The following CPNE4 variants were observed in gnomAD, a reference collection of about 807,000 sequenced individuals.
CPNE4 encodes the protein copine-4.
Under a neutral mutation model 67.9 loss-of-function variants are expected in CPNE4, and 25 were observed. The observed-to-expected ratio is 0.37, with a 90% CI of 0.27 to 0.51. CPNE4 has a LOEUF of 0.51. Ranked by LOEUF, CPNE4 falls within the 20% of genes least tolerant of loss-of-function variation. The pLI, the probability that CPNE4 is intolerant of heterozygous loss-of-function variation, is 0.93. For missense variants in CPNE4, 464 were observed against 690.8 expected, an observed-to-expected ratio of 0.67 and a Z score of 3.68; for synonymous variants, 242 against 244.9, an observed-to-expected ratio of 0.99 and a Z score of 0.11.
intron 8 of CPNE4, among the ~76,000 whole-genome samples, chr3:131,586,718 C>A (rs1162693723): frequency 7.0e-6 from 1 of 142,802 alleles, no homozygotes; most frequent in Non-Finnish European, 1.5e-5. Flanking sequence ...AGATGACTTT[C>A]TATCTCTATC....
chr3:131,945,532 C>T (rs140507030), intron 1 of CPNE4, among the ~76,000 whole-genome samples: 5 of 152,126 alleles, frequency 3.3e-5, no homozygotes, highest in Non-Finnish European at 7.4e-5. Context: ...TCTTTGTTCT[C>T]GAGCTCCCCA....
rs201669940 is a variant in CPNE4, at chr3:131,978,048, GATATATATAAATATATATAA to G, written c.-2+56499_-2+56518del. 1.5e-3 allele frequency among the ~76,000 whole-genome samples: 117 copies of G among 76,586 alleles called. 2 individuals carry two copies. Among genetic ancestry groups the G allele is most frequent in the East Asian group, 3.4e-3 (9 of 2,678 alleles). 50.2% of individuals were successfully genotyped at this position (76,586 alleles called of 152,430 possible). ...TATGGCTGCATAGTATTCCATCATA[GATATATATAAATATATATAA>G]ATATATATAAATATATATAAATATA... is the stretch of plus-strand genomic sequence containing the variant. On this transcript the variant is annotated intron_variant, in intron 1 of 15. Coordinates refer to ENST00000429747, the MANE Select transcript of CPNE4 (RefSeq NM_130808.3).
intron 1 of CPNE4, among the ~76,000 whole-genome samples, chr3:131,923,926 C>CA (rs2070818972): frequency 6.6e-6 from 1 of 151,834 alleles, no homozygotes; most frequent in South Asian, 2.1e-4. Flanking sequence ...CTAAAGGGAC[C>CA]AAGGGGCCAG....
At chr3:131,780,550 G>A (rs536967781) in intron 2 of CPNE4, among the ~76,000 whole-genome samples, 29 of 152,144 alleles carry the variant, frequency 1.9e-4, no homozygotes, top group African/African-American at 6.5e-4. Flanking sequence ...GCTGGAGGCC[G>A]TTATCCGAAG....
At chr3:131,873,969 A>G (rs892428025) in intron 2 of CPNE4, among the ~76,000 whole-genome samples, 2 of 152,102 alleles carry the variant, frequency 1.3e-5, no homozygotes, top group Non-Finnish European at 2.9e-5. Flanking sequence ...CTATGATTCA[A>G]CCTCCACAGT....
At chr3:132,029,581 C>T (rs1365486244) in intron 1 of CPNE4, among the ~76,000 whole-genome samples, 1 of 152,160 alleles carries the variant, frequency 6.6e-6, no homozygotes, top group African/African-American at 2.4e-5. Flanking sequence ...TGATTTTGCT[C>T]CTCCCCTACC....
intron 1 of CPNE4, among the ~76,000 whole-genome samples, chr3:132,008,432 T>C (rs1165082711): frequency 6.6e-6 from 1 of 152,214 alleles, no homozygotes; most frequent in Non-Finnish European, 1.5e-5. Context: ...AATGCCATAA[T>C]ATAGCTATTA....
chr3:131,600,388 C>T (rs1221552872), intron 7 of CPNE4, among the ~76,000 whole-genome samples: 1 of 152,066 alleles, frequency 6.6e-6, no homozygotes, highest in African/African-American at 2.4e-5. Context: ...TGAATGTGTC[C>T]AAAGACCTGT....
chr3:131,912,639 G>T (rs2089022407), intron 1 of CPNE4, among the ~76,000 whole-genome samples: 1 of 152,006 alleles, frequency 6.6e-6, no homozygotes, highest in Non-Finnish European at 1.5e-5. Flanking sequence ...CATTTCCTAG[G>T]CAACATTCCT....
rs185520820 is a variant in CPNE4 at position 131,990,743 on chromosome 3, T to C, written c.-2+43824A>G. On this transcript the variant is annotated intron_variant, in intron 1 of 15. Transcript: ENST00000429747. ...TAGTGTAACTTATTTGTCCAGGATA[T>C]CCATTGTTGAAGGAAAAAGGGAGGA... is the stretch of plus-strand genomic sequence containing the variant. Among the ~76,000 whole-genome samples, 125 of 135,958 alleles carry C rather than the reference T, an allele frequency of 9.2e-4. 9 individuals are homozygous for C. Among genetic ancestry groups the C allele is most frequent in the African/African-American group, 2.8e-3 (115 of 40,812 alleles). The allele number at this position is 135,958 out of a possible 152,430, so 89.2% of individuals were successfully genotyped here.
chr3:131,535,340 G>A lies in CPNE4; in HGVS notation c.1540-11C>T. 6.2e-7 allele frequency: 1 copy of A among 1,607,914 alleles called. No individual in the cohort carries two copies. Among genetic ancestry groups the A allele is most frequent in the Non-Finnish European group, 8.5e-7 (1 of 1,177,870 alleles). On this transcript the variant is annotated splice_polypyrimidine_tract_variant and intron_variant, in intron 15 of 15. Transcript: ENST00000429747. ...GGCAGCTGGAGATGCCTGCAGGGAAGAAGAAATCATCATGACGTTGGCTTC... is the reference window on the plus strand; with the variant it reads ...GGCAGCTGGAGATGCCTGCAGGGAAAAAGAAATCATCATGACGTTGGCTTC...
rs561747406 is a variant in CPNE4, at chr3:131,765,745, G to A, written c.181-42120C>T. On this transcript the variant is annotated intron_variant, in intron 2 of 15. Transcript: ENST00000429747. ...GACAGAAATCTATGTGTTGATGGAA[G>A]TGACATCGCTGAAGCTGAGGCAAAT... Among the ~76,000 whole-genome samples, 4 of 152,202 alleles carry A rather than the reference G, an allele frequency of 2.6e-5. No individual in the cohort carries two copies. In the East Asian group the frequency reaches 5.8e-4, roughly 22 times the overall value.
At chr3:131,721,829 G>T (rs1291262532) in intron 3 of CPNE4, among the ~76,000 whole-genome samples, 1 of 152,112 alleles carries the variant, frequency 6.6e-6, no homozygotes, top group African/African-American at 2.4e-5. Flanking sequence ...ATAGAAACAG[G>T]ATTTCATCTC....
At chr3:131,724,566 G>C (rs548800788) in intron 2 of CPNE4, among the ~76,000 whole-genome samples, 1 of 152,166 alleles carries the variant, frequency 6.6e-6, no homozygotes, top group Non-Finnish European at 1.5e-5. Context: ...GGAGGACTTC[G>C]CAGGAGATCA....
intron 1 of CPNE4, among the ~76,000 whole-genome samples, chr3:131,940,510 C>A (rs2071355037): frequency 6.6e-6 from 1 of 151,986 alleles, no homozygotes; most frequent in Non-Finnish European, 1.5e-5. Context: ...AACTCTGGTA[C>A]ATATAGGCTT....
chr3:131,806,406 C>T (rs1187516826), intron 2 of CPNE4, among the ~76,000 whole-genome samples: 4 of 151,780 alleles, frequency 2.6e-5, no homozygotes, highest in Non-Finnish European at 4.4e-5. Context: ...AAAAATTAGC[C>T]GGGCATAGTG....
chr3:131,739,916 C>T (rs1391124751), intron 2 of CPNE4, among the ~76,000 whole-genome samples: 2 of 152,190 alleles, frequency 1.3e-5, no homozygotes, highest in South Asian at 2.1e-4. Context: ...CCCATCATAT[C>T]CCAGTTACCT....
At chr3:131,782,444 C>T (rs781514615) in intron 2 of CPNE4, among the ~76,000 whole-genome samples, 1 of 151,648 alleles carries the variant, frequency 6.6e-6, no homozygotes, top group Non-Finnish European at 1.5e-5. Flanking sequence ...AATTCAGTTC[C>T]GTTTATTTCA....
intron 1 of CPNE4, among the ~76,000 whole-genome samples, chr3:131,998,651 TC>T (rs1421288671): frequency 6.6e-6 from 1 of 152,150 alleles, no homozygotes; most frequent in Non-Finnish European, 1.5e-5. Context: ...GAGAAACTGT[TC>T]CTATTTATTC....
Sources: gnomAD v4.1 joint callset for allele counts (sites outside exome capture counted in the v4.1 genomes callset) on GRCh38, gnomAD v4.1.1 for gene constraint, MANE v1.5 for transcripts, NCBI Gene and HGNC (gene_info 2026-07-23, HGNC 2026-07-21) for gene names.